RSF1: variants seen among roughly 807,000 people sequenced by gnomAD.
RSF1 encodes the protein HBV pX-associated protein 8.
RSF1 carries 13 observed loss-of-function variants against 145.2 expected under a neutral mutation model. The ratio of observed to expected loss-of-function variants is 0.09; its 90% CI spans 0.06 to 0.14. RSF1 has a LOEUF of 0.14. Ranked by LOEUF, RSF1 falls within the 10% of genes least tolerant of loss-of-function variation. RSF1 has a pLI of 1.00. For synonymous variants in RSF1, 577 were observed against 592.6 expected (o/e 0.97, Z 0.38); for missense variants, 1,517 against 1,718.2 (o/e 0.88, Z 2.07).
intron 1 of RSF1, among the ~76,000 whole-genome samples, chr11:77,793,879 A>G (rs1948546143): frequency 6.6e-6 from 1 of 152,220 alleles, no homozygotes; most frequent in South Asian, 2.1e-4. Flanking sequence ...ACAAGCTCTC[A>G]GGGGTAGCTA....
rs373398618 is a variant in RSF1, at chr11:77,716,944, G to A, written c.733+8601C>T. Among the ~76,000 whole-genome samples, 13 of 152,180 alleles carry A rather than the reference G, an allele frequency of 8.5e-5. No individual in the cohort carries two copies. In the South Asian group the frequency reaches 1.7e-3, roughly 19 times the overall value. On this transcript the variant is annotated intron_variant, in intron 5 of 15. Coordinates refer to ENST00000308488, the MANE Select transcript of RSF1 (RefSeq NM_016578.4). ...TATAATCCTTGCACTTTGGGAGGCC[G>A]AGACGGGTGGATCACTTGAGCTCAG...
intron 12 of RSF1, 58 bp downstream of exon 12, chr11:77,678,028 C>T: frequency 3.2e-6 from 4 of 1,236,404 alleles, no homozygotes; most frequent in Non-Finnish European, 4.8e-6. Context: ...CTAATTTGGG[C>T]ACCTGAATGA....
the RSF1 span, chr11:77,832,002 C>G: frequency 6.6e-6 from 1 of 151,246 alleles, no homozygotes; most frequent in South Asian, 2.1e-4. Context: ...TGAGCCACCA[C>G]GCCTGGCCAG....
the RSF1 span, among the ~76,000 whole-genome samples, chr11:77,839,407 G>A: frequency 6.6e-6 from 1 of 152,130 alleles, no homozygotes; most frequent in East Asian, 1.9e-4. Context: ...GGAAGACAGT[G>A]GGGCAATTCC....
intron 1 of RSF1, among the ~76,000 whole-genome samples, chr11:77,780,191 A>G (rs565077331): frequency 3.7e-4 from 56 of 152,360 alleles, no homozygotes; most frequent in Non-Finnish European, 7.6e-4. Context: ...GACTTGTTCA[A>G]TTCAATGGGT....
chr11:77,838,426 T>C, the RSF1 span, among the ~76,000 whole-genome samples: 3 of 152,148 alleles, frequency 2.0e-5, no homozygotes, highest in African/African-American at 4.8e-5. Context: ...TGATGTTTCC[T>C]TGAAGAAGAA....
At chr11:77,741,081 C>G (rs902151897) in intron 3 of RSF1, 145 bp from the exon 4 acceptor site, 1 of 652,146 alleles carries the variant, frequency 1.5e-6, no homozygotes, top group African/African-American at 1.8e-5. Flanking sequence ...CCTCTTCCCA[C>G]TTTCATACAA....
At chr11:77,793,208 A>G (rs865878255) in intron 1 of RSF1, among the ~76,000 whole-genome samples, 39 of 152,328 alleles carry the variant, frequency 2.6e-4, no homozygotes, top group African/African-American at 8.2e-4. Context: ...GGCCAGGTGC[A>G]GTGGCTCACG....
chr11:77,675,319 T>G, intron 13 of RSF1, 63 bp from the exon 14 acceptor site: 1 of 1,355,144 alleles, frequency 7.4e-7, no homozygotes, highest in Non-Finnish European at 1.0e-6. Flanking sequence ...TTTTTAAGAG[T>G]TCTGAGTTCA....
chr11:77,679,672 CAAA>C (rs529571713), intron 11 of RSF1, among the ~76,000 whole-genome samples: 3 of 84,528 alleles, frequency 3.5e-5, no homozygotes, highest in Admixed American at 1.4e-4. Flanking sequence ...GACCCTGTCT[CAAA>C]AAAAAAAAAA....
Position 77,665,763 on chromosome 11 carries a change from CACACACGCACACGCACACACACAA to C in RSF1, c.*1130_*1153del, listed in dbSNP as rs1478544875. 6.8e-6 allele frequency: 1 copy of C among 146,222 alleles called. No individual in the cohort carries two copies. 9.1% of individuals were successfully genotyped at this position (146,222 alleles called of 1,614,324 possible). A position where few individuals can be genotyped will look rare whatever the true frequency, so the allele number is the denominator to read the frequency against. On this transcript the variant is annotated 3_prime_UTR_variant, in exon 16 of 16. Transcript: ENST00000308488. ...GGCAGATAGGAAATTCCAACACACA[CACACACGCACACGCACACACACAA>C]ACACACACACACGCTAAAACTCAAA...
At chr11:77,780,091 T>TG in intron 1 of RSF1, among the ~76,000 whole-genome samples, 1 of 152,354 alleles carries the variant, frequency 6.6e-6, no homozygotes, top group East Asian at 1.9e-4. Context: ...GTATCATAAA[T>TG]GCCTGTTTAC....
intron 4 of RSF1, among the ~76,000 whole-genome samples, chr11:77,733,323 G>A (rs1339004233): frequency 6.6e-6 from 1 of 150,932 alleles, no homozygotes; most frequent in Non-Finnish European, 1.5e-5. Context: ...ATGATGCTAA[G>A]CACTTTTTCA....
intron 7 of RSF1, among the ~76,000 whole-genome samples, chr11:77,697,895 T>C (rs1960321559): frequency 2.0e-5 from 3 of 152,206 alleles, no homozygotes; most frequent in Non-Finnish European, 4.4e-5. Flanking sequence ...AAAGCCCTAC[T>C]ACATTATTAC....
At chr11:77,834,441 G>GTTTTTTTTTTTTTTTT in the RSF1 span, among the ~76,000 whole-genome samples, 1 of 105,548 alleles carries the variant, frequency 9.5e-6, no homozygotes, top group Non-Finnish European at 1.9e-5. Flanking sequence ...AGTTGATTTT[G>GTTTTTTTTTTTTTTTT]TTTTTTTTTT....
chr11:77,785,162 C>T (rs1052035368), intron 1 of RSF1, among the ~76,000 whole-genome samples: 1 of 152,166 alleles, frequency 6.6e-6, no homozygotes, highest in Non-Finnish European at 1.5e-5. Context: ...CCAGGGAAAA[C>T]AATCCTGATT....
chr11:77,800,386 G>T (rs2045755794), intron 1 of RSF1, among the ~76,000 whole-genome samples: 1 of 152,020 alleles, frequency 6.6e-6, no homozygotes, highest in Non-Finnish European at 1.5e-5. Context: ...CAGCTTTGCG[G>T]GAGGCTGAGG....
At chr11:77,748,413 C>T (rs909795881) in intron 2 of RSF1, among the ~76,000 whole-genome samples, 2 of 151,346 alleles carry the variant, frequency 1.3e-5, no homozygotes, top group East Asian at 1.9e-4. Flanking sequence ...TTTGTAGAGA[C>T]GGGGTTTCTT....
At chr11:77,729,330 A>G (rs553684490) in intron 4 of RSF1, among the ~76,000 whole-genome samples, 23 of 152,332 alleles carry the variant, frequency 1.5e-4, no homozygotes, top group Admixed American at 7.8e-4. Context: ...AGAAAGGTTC[A>G]AAGTTTAGTT....
Sources: allele counts gnomAD v4.1 joint callset (sites outside exome capture counted in the v4.1 genomes callset), GRCh38; gene constraint gnomAD v4.1.1; transcripts MANE v1.5; gene names NCBI Gene and HGNC (gene_info 2026-07-23, HGNC 2026-07-21).